SMAGP: variants seen among roughly 807,000 people sequenced by gnomAD.
SMAGP encodes the protein small cell adhesion glycoprotein.
SMAGP carries 7 observed loss-of-function variants against 10.1 expected under a neutral mutation model. The ratio of observed to expected loss-of-function variants is 0.70; its 90% CI spans 0.40 to 1.31. SMAGP has a LOEUF of 1.31. Ranked by LOEUF, SMAGP falls within the 50% of genes most tolerant of loss-of-function variation. The probability of loss-of-function intolerance (pLI) is 0.01; values close to 1 mark genes in which losing one functional copy is unlikely to be tolerated. For synonymous variants in SMAGP, 49 were observed against 47.2 expected (o/e 1.04, Z -0.16); for missense variants, 113 against 116.5 (o/e 0.97, Z 0.14).
chr12:51,246,965 C>T lies in SMAGP; in HGVS notation c.35-134G>A, dbSNP rs1944782091. On this transcript the variant is annotated intron_variant, in intron 2 of 3. Transcript: ENST00000603798. Reference sequence around the variant, plus strand: ...TTATCATTTAACTCCTAGAGTATATCCAAATAGAAAATCCTAGAGAATAAA... The same window carrying T: ...TTATCATTTAACTCCTAGAGTATATTCAAATAGAAAATCCTAGAGAATAAA... 4 of 535,122 alleles carry T rather than the reference C, an allele frequency of 7.5e-6. No homozygotes were observed. The South Asian group carries it at 1.2e-4, about 16-fold the overall frequency. 33.1% of individuals were successfully genotyped at this position (535,122 alleles called of 1,614,324 possible). A position where few individuals can be genotyped will look rare whatever the true frequency, so the allele number is the denominator to read the frequency against.
chr12:51,251,969 T>C (rs950168924), intron 2 of SMAGP, among the ~76,000 whole-genome samples: 2 of 152,236 alleles, frequency 1.3e-5, no homozygotes, highest in Non-Finnish European at 2.9e-5. Context: ...CTTGCTGCGA[T>C]GCAGCTATTG....
chr12:51,256,750 C>A (rs372251231), intron 2 of SMAGP, among the ~76,000 whole-genome samples: 44 of 121,186 alleles, frequency 3.6e-4, no homozygotes, highest in South Asian at 8.5e-4. Context: ...ACAAAAAAAA[C>A]ACAAACAAAC....
rs1170234815 is a variant in SMAGP at position 51,270,352 on chromosome 12, G to A, written c.-135C>T. 3 of 187,038 alleles carry A rather than the reference G, an allele frequency of 1.6e-5. No individual in the cohort carries two copies. The East Asian group carries it at 3.8e-4, about 24-fold the overall frequency. 11.6% of individuals were successfully genotyped at this position (187,038 alleles called of 1,614,324 possible). ...GGGCACCGCGGAGTCGCGGAGGCCA[G>A]CAGAGGCCGAACGAGGACCCCGAGC... On this transcript the variant is annotated 5_prime_UTR_variant, in exon 1 of 4. Transcript: ENST00000603798.
At chr12:51,256,741 C>CAA (rs10660612) in intron 2 of SMAGP, among the ~76,000 whole-genome samples, 96,943 of 145,548 alleles carry the variant, frequency 0.67, 35,972 homozygotes, top group Non-Finnish European at 0.85. Flanking sequence ...AACAAACAAA[C>CAA]AAAAAAAACA....
At chr12:51,263,469 T>C (rs999593944) in intron 2 of SMAGP, among the ~76,000 whole-genome samples, 3 of 152,158 alleles carry the variant, frequency 2.0e-5, no homozygotes, top group Non-Finnish European at 4.4e-5. Flanking sequence ...CTTGTTTCAT[T>C]GGGTTGTGGT....
intron 2 of SMAGP, among the ~76,000 whole-genome samples, chr12:51,261,245 G>T (rs1359550404): frequency 1.3e-5 from 2 of 151,370 alleles, no homozygotes; most frequent in East Asian, 3.9e-4. Flanking sequence ...ACAGGCACCC[G>T]CCACTATGCC....
intron 2 of SMAGP, among the ~76,000 whole-genome samples, chr12:51,258,456 G>C (rs912074264): frequency 6.7e-6 from 1 of 149,632 alleles, no homozygotes; most frequent in African/African-American, 2.5e-5. Context: ...TGGGCATGGT[G>C]GTGGGCACCT....
Position 51,244,821 on chromosome 12 carries a change from T to TTTA in SMAGP, c.*1119_*1120insTAA, listed in dbSNP as rs1565655309. 2 of 14,594 alleles carry TTTA rather than the reference T, an allele frequency of 1.4e-4. No individual in the cohort carries two copies. The highest frequency in any genetic ancestry group is 1.9e-4 in the African/African-American group (1 of 5,364). 0.9% of individuals were successfully genotyped at this position (14,594 alleles called of 1,614,324 possible). ...TGAACCAACTCATCTCCCAGGGTAC[T>TTTA]TTTTTTTTTTTTTTTTTTTTTGAGA... On this transcript the variant is annotated 3_prime_UTR_variant, in exon 4 of 4. Transcript: ENST00000603798.
chr12:51,259,948 T>C (rs574729988), intron 2 of SMAGP, among the ~76,000 whole-genome samples: 1 of 152,118 alleles, frequency 6.6e-6, no homozygotes, highest in South Asian at 2.1e-4. Flanking sequence ...CTCCTGGCCT[T>C]AAGGTATCCT....
intron 2 of SMAGP, among the ~76,000 whole-genome samples, chr12:51,260,669 C>T (rs1241116820): frequency 5.7e-5 from 8 of 140,526 alleles, no homozygotes; most frequent in East Asian, 4.4e-4. Flanking sequence ...TGAGCCACCG[C>T]GCCCGGCCAA....
At chr12:51,268,578 CT>C (rs1555167774) in intron 2 of SMAGP, among the ~76,000 whole-genome samples, 3 of 39,336 alleles carry the variant, frequency 7.6e-5, no homozygotes, top group African/African-American at 2.1e-4. Flanking sequence ...TCCTTCCTTC[CT>C]TTCCTTTCCT....
chr12:51,246,656 CAG>C (rs1944776668), intron 3 of SMAGP, 93 bp downstream of exon 3: 2 of 684,528 alleles, frequency 2.9e-6, no homozygotes, highest in South Asian at 4.8e-5. Flanking sequence ...ACTTACAAGC[CAG>C]AGTGAGCCCA....
At chr12:51,261,093 T>C (rs1206474528) in intron 2 of SMAGP, among the ~76,000 whole-genome samples, 1 of 19,864 alleles carries the variant, frequency 5.0e-5, no homozygotes, top group Non-Finnish European at 6.1e-4. Context: ...CCAGCCTTAA[T>C]TTTTTTTTTT....
At chr12:51,255,156 CT>C (rs1277789017) in intron 2 of SMAGP, among the ~76,000 whole-genome samples, 1 of 152,162 alleles carries the variant, frequency 6.6e-6, no homozygotes, top group Non-Finnish European at 1.5e-5. Flanking sequence ...CTGCCTCAGC[CT>C]CTGGAGTAGC....
At chr12:51,249,414 C>A (rs1432743235) in intron 2 of SMAGP, among the ~76,000 whole-genome samples, 1 of 152,026 alleles carries the variant, frequency 6.6e-6, no homozygotes, top group Non-Finnish European at 1.5e-5. Flanking sequence ...GGGGCCCAGA[C>A]CTTGGCCTGT....
At chr12:51,254,479 G>A (rs1565658231) in intron 2 of SMAGP, among the ~76,000 whole-genome samples, 1 of 151,940 alleles carries the variant, frequency 6.6e-6, no homozygotes, top group African/African-American at 2.4e-5. Context: ...CCCAGGAGGC[G>A]GAGGCTGCAG....
chr12:51,268,340 T>A (rs1328566100), intron 2 of SMAGP, among the ~76,000 whole-genome samples: 1 of 152,138 alleles, frequency 6.6e-6, no homozygotes, highest in Non-Finnish European at 1.5e-5. Context: ...AATCATAAGA[T>A]AGGTACTATT....
intron 2 of SMAGP, among the ~76,000 whole-genome samples, chr12:51,254,837 G>A (rs188587656): frequency 1.0e-3 from 157 of 152,278 alleles, no homozygotes; most frequent in African/African-American, 3.6e-3. Flanking sequence ...AACACCCCGG[G>A]GCCAGGCATG....
intron 2 of SMAGP, among the ~76,000 whole-genome samples, chr12:51,258,275 A>G (rs1191732879): frequency 6.6e-6 from 1 of 152,210 alleles, no homozygotes. Flanking sequence ...ATAGCATCAG[A>G]AAACATACAA....
Sources: allele counts gnomAD v4.1 joint callset (sites outside exome capture counted in the v4.1 genomes callset), GRCh38; gene constraint gnomAD v4.1.1; transcripts MANE v1.5; gene names NCBI Gene and HGNC (gene_info 2026-07-23, HGNC 2026-07-21).